The following ARID1B variants were observed in gnomAD, a reference collection of about 807,000 sequenced individuals.
ARID1B encodes AT-rich interactive domain-containing protein 1B.
Under a neutral mutation model 212.3 loss-of-function variants are expected in ARID1B, and 30 were observed. The ratio of observed to expected loss-of-function variants is 0.14; its 90% CI spans 0.11 to 0.19. The LOEUF (loss-of-function observed/expected upper bound fraction) is 0.19, where lower values mean the gene tolerates loss of function less well. ARID1B is among the 10% of genes least tolerant of loss of function. ARID1B has a pLI of 1.00. For synonymous variants in ARID1B, 1,402 were observed against 1,301.7 expected, an observed-to-expected ratio of 1.08 and a Z score of -1.66; for missense variants, 2,891 against 3,204.0, an observed-to-expected ratio of 0.90 and a Z score of 2.36.
chr6:157,085,190 G>T (rs1408059404), intron 5 of ARID1B, among the ~76,000 whole-genome samples: 1 of 152,204 alleles, frequency 6.6e-6, no homozygotes, highest in Non-Finnish European at 1.5e-5. Context: ...CTTAGCATAT[G>T]TTTTGTAATG....
At chr6:156,844,006 C>G (rs529329235) in intron 2 of ARID1B, among the ~76,000 whole-genome samples, 1 of 152,212 alleles carries the variant, frequency 6.6e-6, no homozygotes, top group Admixed American at 6.5e-5. Flanking sequence ...GGGAGAGAGG[C>G]ATGTGTTCTT....
intron 7 of ARID1B, among the ~76,000 whole-genome samples, chr6:157,141,946 T>C (rs1338118234): frequency 6.6e-6 from 1 of 152,204 alleles, no homozygotes; most frequent in African/African-American, 2.4e-5. Context: ...AACATATTCC[T>C]ACCACACAAA....
intron 2 of ARID1B, among the ~76,000 whole-genome samples, chr6:156,892,058 T>TC (rs1168195768): frequency 1.8e-4 from 16 of 88,848 alleles, no homozygotes; most frequent in African/African-American, 2.9e-4. Flanking sequence ...TTTTTTTTTT[T>TC]TCTTTTTTTT....
At chr6:156,947,716 A>G (rs1793264907) in intron 4 of ARID1B, among the ~76,000 whole-genome samples, 1 of 151,930 alleles carries the variant, frequency 6.6e-6, no homozygotes, top group South Asian at 2.1e-4. Context: ...CCAGGAAATG[A>G]CAAAGAAAAG....
chr6:156,914,339 G>C (rs576724034), intron 3 of ARID1B, among the ~76,000 whole-genome samples: 1 of 152,334 alleles, frequency 6.6e-6, no homozygotes, highest in South Asian at 2.1e-4. Flanking sequence ...AGCCTGATGG[G>C]TGATAGTCAT....
intron 2 of ARID1B, among the ~76,000 whole-genome samples, chr6:156,847,866 A>T (rs892269572): frequency 2.0e-5 from 3 of 152,152 alleles, no homozygotes; most frequent in Admixed American, 1.3e-4. Context: ...CACAGAACCC[A>T]ACTCGACCTC....
chr6:156,934,217 A>G (rs982977854), intron 3 of ARID1B, among the ~76,000 whole-genome samples: 1 of 152,162 alleles, frequency 6.6e-6, no homozygotes, highest in South Asian at 2.1e-4. Flanking sequence ...TTTCAGTGCC[A>G]ATTGAGACAT....
intron 4 of ARID1B, among the ~76,000 whole-genome samples, chr6:156,972,611 T>C (rs748138708): frequency 2.0e-5 from 3 of 152,258 alleles, no homozygotes; most frequent in Non-Finnish European, 2.9e-5. Context: ...GTAATGCTTT[T>C]CCATTATTAT....
At chr6:157,147,247 T>G (rs1223196665) in intron 7 of ARID1B, among the ~76,000 whole-genome samples, 1 of 166 alleles carries the variant, frequency 6.0e-3, no homozygotes, top group African/African-American at 0.025. Context: ...CTGCCGTCCG[T>G]CCCCCACCCC....
chr6:156,859,813 G>T (rs892738362), intron 2 of ARID1B, among the ~76,000 whole-genome samples: 1 of 152,218 alleles, frequency 6.6e-6, no homozygotes, highest in South Asian at 2.1e-4. Context: ...CTGCAGTTTG[G>T]AGAGGGCACA....
At chr6:156,865,020 T>C (rs757846550) in intron 2 of ARID1B, among the ~76,000 whole-genome samples, 1 of 152,340 alleles carries the variant, frequency 6.6e-6, no homozygotes, top group South Asian at 2.1e-4. Context: ...CCTTGTAAGA[T>C]GTTTAGATCC....
At chr6:157,160,256 G>A (rs755865495) in intron 8 of ARID1B, among the ~76,000 whole-genome samples, 1 of 152,172 alleles carries the variant, frequency 6.6e-6, no homozygotes, top group Non-Finnish European at 1.5e-5. Flanking sequence ...GTGCTCAGAG[G>A]CCTGTCCAAA....
rs797045284 is a variant in ARID1B, at chr6:156,778,566, C to T, written c.886C>T (p.Pro296Ser). Reference sequence around the variant, plus strand: ...CTTGGGCGCCCTGGGCACGCAGCAGCCGCCGGTCGCCGTGCCCGGGGGCGG... The same window carrying T: ...CTTGGGCGCCCTGGGCACGCAGCAGTCGCCGGTCGCCGTGCCCGGGGGCGG... ...PGLGALGTQQ[P>S]PVAVPGGGGG... The change falls in exon 1 of 20, where the codon CCG (proline) becomes TCG (serine). Residue 296 changes from proline to serine, a missense_variant. Coordinates refer to ENST00000636930, the MANE Select transcript of ARID1B (RefSeq NM_001374828.1). 4.0e-6 allele frequency: 5 copies of T among 1,238,728 alleles called. No homozygotes were observed. The highest frequency in any genetic ancestry group is 5.0e-6 in the Non-Finnish European group (5 of 993,642). The allele number at this position is 1,238,728 out of a possible 1,614,324, so 76.7% of individuals were successfully genotyped here.
At chr6:156,916,145 G>A (rs575097834) in intron 3 of ARID1B, among the ~76,000 whole-genome samples, 3 of 152,296 alleles carry the variant, frequency 2.0e-5, no homozygotes, top group South Asian at 4.1e-4. Context: ...GGAACAGATC[G>A]TGGAAATTCG....
rs1746719976 is a variant in ARID1B, at chr6:157,206,673, G to C, written c.5901G>C (p.Arg1967Ser). The change falls in exon 20 of 20, where the codon AGG becomes AGC. Residue 1967 changes from arginine (R) to serine (S), a missense_variant. This residue lies in a region of ARID1B where 332 missense variants were observed against 369.2 expected (regional missense o/e 0.90). Coordinates refer to ENST00000636930, the MANE Select transcript of ARID1B (RefSeq NM_001374828.1). This position sits in a 1 kb window ranked among gnomAD's most constrained non-coding sequence, Gnocchi z 6.8. ...GCAAGATGGAAATTCCTCCTCGCAG[G>C]CGCCCACCTCCCCCCTTAAGCTCCG... ...FESKMEIPPR[R>S]RPPPPLSSAG... 3 of 1,612,874 alleles carry C rather than the reference G, an allele frequency of 1.9e-6. No individual in the cohort carries two copies. Among genetic ancestry groups the C allele is most frequent in the Admixed American group, 1.7e-5 (1 of 59,964 alleles).
At chr6:157,118,230 G>A (rs1787460495) in intron 6 of ARID1B, among the ~76,000 whole-genome samples, 1 of 152,162 alleles carries the variant, frequency 6.6e-6, no homozygotes, top group South Asian at 2.1e-4. Context: ...TGGAAGTGGG[G>A]TTTGATACTT....
chr6:156,811,612 G>GGA (rs1209737427), intron 1 of ARID1B, among the ~76,000 whole-genome samples: 1 of 152,152 alleles, frequency 6.6e-6, no homozygotes. Context: ...ATGTGCAGGG[G>GGA]GAGAGAGAGG....
chr6:157,136,211 GACTAC>G (rs1788897738), intron 7 of ARID1B, among the ~76,000 whole-genome samples: 1 of 152,190 alleles, frequency 6.6e-6, no homozygotes, highest in Non-Finnish European at 1.5e-5. Context: ...GATGCACAGT[GACTAC>G]AATGGTCAAG....
At chr6:156,957,381 G>C (rs1352508095) in intron 4 of ARID1B, among the ~76,000 whole-genome samples, 1 of 152,142 alleles carries the variant, frequency 6.6e-6, no homozygotes, top group African/African-American at 2.4e-5. Context: ...CCAGTACCAG[G>C]GTCAGCTTCA....
Sources: gnomAD v4.1 joint callset for allele counts (sites outside exome capture counted in the v4.1 genomes callset) on GRCh38, gnomAD v4.1.1 for gene constraint, gnomAD v4.1.1 regional missense constraint, Gnocchi (gnomAD v3.1) non-coding constraint, MANE v1.5 for transcripts, NCBI Gene and HGNC (gene_info 2026-07-23, HGNC 2026-07-21) for gene names.